Variants in AIRIM observed in about 807,000 individuals in gnomAD.
AIRIM encodes the protein AFG2-interacting ribosome maturation factor.
At chr1:37,685,474 C>G in the AIRIM span, among the ~76,000 whole-genome samples, 2 of 151,988 alleles carry the variant, frequency 1.3e-5, no homozygotes, top group Non-Finnish European at 2.9e-5. Context: ...TGACCTCCCC[C>G]AGTTCAAGCA....
At chr1:37,686,482 A>G in the AIRIM span, 2 of 1,598,686 alleles carry the variant, frequency 1.3e-6, no homozygotes, top group Admixed American at 3.4e-5. Context: ...ATTAGGCAAT[A>G]TCATGAGACA....
the AIRIM span, among the ~76,000 whole-genome samples, chr1:37,688,965 C>CAAAAAA: frequency 9.4e-6 from 1 of 106,336 alleles, no homozygotes. Flanking sequence ...GACCCTGTCT[C>CAAAAAA]AAAAAAAAAA....
the AIRIM span, chr1:37,682,089 GTATC>G: frequency 1.3e-5 from 2 of 151,558 alleles, no homozygotes; most frequent in Non-Finnish European, 2.9e-5. Flanking sequence ...CACTGAAAAG[GTATC>G]TATCAAAATA....
chr1:37,686,957 G>C, the AIRIM span, among the ~76,000 whole-genome samples: 1 of 151,890 alleles, frequency 6.6e-6, no homozygotes, highest in Admixed American at 6.6e-5. Context: ...CAGCTACTCG[G>C]GAGGCACGAG....
At chr1:37,683,605 T>A in the AIRIM span, 4 of 695,690 alleles carry the variant, frequency 5.7e-6, no homozygotes, top group African/African-American at 3.6e-5. Flanking sequence ...GAGCAACTGT[T>A]TACTAACATG....
the AIRIM span, among the ~76,000 whole-genome samples, chr1:37,687,431 T>C: frequency 6.7e-6 from 1 of 149,470 alleles, no homozygotes; most frequent in East Asian, 2.0e-4. Context: ...CGTGCCCAGC[T>C]AATATATATT....
the AIRIM span, chr1:37,691,973 C>G: frequency 6.5e-6 from 1 of 153,200 alleles, no homozygotes; most frequent in Non-Finnish European, 1.5e-5. Flanking sequence ...CATTCCGTCC[C>G]CCTTGCTCTG....
chr1:37,685,192 T>TGGGGGGGGG, the AIRIM span, among the ~76,000 whole-genome samples: 2 of 44,794 alleles, frequency 4.5e-5, no homozygotes, highest in East Asian at 8.2e-4. Flanking sequence ...TGCTTTTTTT[T>TGGGGGGGGG]GGGGGGGGGG....
chr1:37,691,762 C>A, the AIRIM span, among the ~76,000 whole-genome samples: 37 of 152,366 alleles, frequency 2.4e-4, 1 homozygote, highest in Middle Eastern at 0.014. Context: ...ACCGTGTGGC[C>A]AGCTGCCAAG....
the AIRIM span, among the ~76,000 whole-genome samples, chr1:37,687,594 T>A: frequency 1.3e-5 from 2 of 151,936 alleles, no homozygotes; most frequent in African/African-American, 2.4e-5. Flanking sequence ...CAAAAAATTT[T>A]AAAAATTAGC....
At chr1:37,683,233 G>A in the AIRIM span, 2 of 1,609,442 alleles carry the variant, frequency 1.2e-6, no homozygotes, top group Non-Finnish European at 1.7e-6. Context: ...GGCACAGCAA[G>A]GGCACCTTCC....
the AIRIM span, chr1:37,690,604 GC>G: frequency 1.8e-6 from 1 of 571,232 alleles, no homozygotes; most frequent in Non-Finnish European, 2.6e-6. Context: ...ATATCGTAGT[GC>G]CGCAATGACT....
the AIRIM span, chr1:37,690,052 T>C: frequency 2.8e-6 from 4 of 1,412,268 alleles, no homozygotes; most frequent in African/African-American, 1.4e-5. Flanking sequence ...GGAGTCTCAC[T>C]GTCGCCCAGG....
chr1:37,687,108 G>GTATATA, the AIRIM span, among the ~76,000 whole-genome samples: 1,418 of 121,088 alleles, frequency 0.012, 26 homozygotes, highest in African/African-American at 0.039. Flanking sequence ...GTGTGTGTGT[G>GTATATA]TGTATAGTTT....
chr1:37,691,733 C>G, the AIRIM span, among the ~76,000 whole-genome samples: 4 of 152,252 alleles, frequency 2.6e-5, no homozygotes, highest in East Asian at 7.7e-4. Context: ...GCCTGGTGGC[C>G]GCGGCTCATG....
At chr1:37,690,398 T>C in the AIRIM span, 1 of 1,289,152 alleles carries the variant, frequency 7.8e-7, no homozygotes, top group Admixed American at 2.3e-5. Context: ...TTCTCTGACA[T>C]ACAGTCCTGT....
the AIRIM span, among the ~76,000 whole-genome samples, chr1:37,688,061 TTC>T: frequency 3.3e-5 from 5 of 152,048 alleles, no homozygotes; most frequent in African/African-American, 9.6e-5. Context: ...TGTCATACTT[TTC>T]TCTCTTTTTT....
At chr1:37,690,639 T>G in the AIRIM span, 20 of 305,310 alleles carry the variant, frequency 6.6e-5, no homozygotes, top group Non-Finnish European at 1.0e-4. Flanking sequence ...GTCCAACATG[T>G]GGACTGGCCA....
At chr1:37,686,352 G>A in the AIRIM span, 12 of 1,614,090 alleles carry the variant, frequency 7.4e-6, no homozygotes, top group Non-Finnish European at 9.3e-6. Context: ...GAAGGCTGCA[G>A]GACAGCATCA....
Sources: gnomAD v4.1 joint callset for allele counts (sites outside exome capture counted in the v4.1 genomes callset) on GRCh38, gnomAD v4.1.1 for gene constraint, MANE v1.5 for transcripts, NCBI Gene and HGNC (gene_info 2026-07-23, HGNC 2026-07-21) for gene names.